The following ARL15 variants were observed in gnomAD, a reference collection of about 807,000 sequenced individuals.
The protein encoded by ARL15 is ADP-ribosylation factor-like protein 15.
A neutral mutation model predicts 25.2 loss-of-function variants in ARL15; 19 were observed. The ratio of observed to expected loss-of-function variants is 0.75; its 90% confidence interval spans 0.53 to 1.10. ARL15 has a LOEUF of 1.10. Ranked by LOEUF, ARL15 falls within the 50% of genes least tolerant of loss-of-function variation. The pLI is 0.00. For synonymous variants in ARL15, 94 were observed against 86.8 expected (o/e 1.08, Z -0.46); for missense variants, 220 against 246.0 (o/e 0.89, Z 0.71).
chr5:54,151,706 G>A (rs1433835132), intron 3 of ARL15, among the ~76,000 whole-genome samples: 3 of 150,244 alleles, frequency 2.0e-5, no homozygotes. Context: ...GTTTGTGTGT[G>A]CAAACATATA....
chr5:54,176,575 T>C (rs553367089), intron 1 of ARL15, among the ~76,000 whole-genome samples: 2 of 152,292 alleles, frequency 1.3e-5, no homozygotes, highest in Admixed American at 6.5e-5. Context: ...TTCACTGTTG[T>C]ACAATGCGAA....
At chr5:53,978,622 C>CAAAAAAAAAAAAAAAAAAAAAAA (rs147288475) in intron 4 of ARL15, among the ~76,000 whole-genome samples, 9 of 74,572 alleles carry the variant, frequency 1.2e-4, no homozygotes, top group Middle Eastern at 0.011. Flanking sequence ...CCTGTCTCTA[C>CAAAAAAAAAAAAAAAAAAAAAAA]AAAAAAAAAA....
chr5:54,301,910 G>T (rs1758625716), intron 1 of ARL15, among the ~76,000 whole-genome samples: 1 of 152,246 alleles, frequency 6.6e-6, no homozygotes, highest in South Asian at 2.1e-4. Flanking sequence ...AGAGGAACTT[G>T]ATAAATGAGA....
chr5:54,295,025 C>T (rs1434006884), intron 1 of ARL15, among the ~76,000 whole-genome samples: 1 of 152,222 alleles, frequency 6.6e-6, no homozygotes, highest in Non-Finnish European at 1.5e-5. Flanking sequence ...TTCAAGACAA[C>T]CTTTGTAGAA....
chr5:53,888,532 C>T (rs1169443830), intron 4 of ARL15, among the ~76,000 whole-genome samples: 1 of 152,158 alleles, frequency 6.6e-6, no homozygotes, highest in Non-Finnish European at 1.5e-5. Context: ...GCTTCTGCCA[C>T]CTCAGCCTCC....
chr5:54,223,559 TAG>T (rs1286434353), intron 1 of ARL15, among the ~76,000 whole-genome samples: 1 of 152,180 alleles, frequency 6.6e-6, no homozygotes, highest in African/African-American at 2.4e-5. Flanking sequence ...AAACTTCTAT[TAG>T]ATAGATTATT....
chr5:53,887,280 G>A (rs1485330352), intron 4 of ARL15: 1 of 651,798 alleles, frequency 1.5e-6, no homozygotes, highest in Non-Finnish European at 2.8e-6. Context: ...AAAGAGGATA[G>A]AAACTGCATG....
chr5:54,065,596 G>A (rs1306867016), intron 4 of ARL15, among the ~76,000 whole-genome samples: 1 of 96,616 alleles, frequency 1.0e-5, no homozygotes, highest in Non-Finnish European at 1.9e-5. Flanking sequence ...AACCCAGGAG[G>A]TGGGGTGGTT....
chr5:53,927,693 T>C (rs1359734084), intron 4 of ARL15, among the ~76,000 whole-genome samples: 6 of 152,160 alleles, frequency 3.9e-5, no homozygotes, highest in Non-Finnish European at 5.9e-5. Flanking sequence ...TCTTGGTAGC[T>C]GTGTTTGGGA....
At chr5:53,894,638 T>TCCA (rs1744816260) in intron 4 of ARL15, among the ~76,000 whole-genome samples, 1 of 152,190 alleles carries the variant, frequency 6.6e-6, no homozygotes, top group Non-Finnish European at 1.5e-5. Context: ...ATGAAAGACA[T>TCCA]CCAGTATTCC....
intron 3 of ARL15, among the ~76,000 whole-genome samples, chr5:54,115,432 C>T (rs1752868793): frequency 6.6e-6 from 1 of 152,096 alleles, no homozygotes; most frequent in Non-Finnish European, 1.5e-5. Flanking sequence ...AAGGCACATA[C>T]CATGGTGCTT....
chr5:54,056,880 C>T (rs1186907693), intron 4 of ARL15, among the ~76,000 whole-genome samples: 1 of 152,060 alleles, frequency 6.6e-6, no homozygotes, highest in Non-Finnish European at 1.5e-5. Flanking sequence ...AGCACAAATA[C>T]CTAGCTCACA....
At chr5:53,933,610 A>G (rs1433029317) in intron 4 of ARL15, among the ~76,000 whole-genome samples, 1 of 129,362 alleles carries the variant, frequency 7.7e-6, no homozygotes, top group African/African-American at 3.0e-5. Flanking sequence ...GTGCCACTGC[A>G]CTCCAGTCTG....
chr5:53,888,644 G>A (rs1335803280), intron 4 of ARL15, among the ~76,000 whole-genome samples: 1 of 152,112 alleles, frequency 6.6e-6, no homozygotes, highest in Non-Finnish European at 1.5e-5. Flanking sequence ...TTTTCTTTAT[G>A]GCACTGAAAA....
At chr5:54,114,356 A>C (rs1183384739) in intron 3 of ARL15, among the ~76,000 whole-genome samples, 1 of 133,902 alleles carries the variant, frequency 7.5e-6, no homozygotes, top group African/African-American at 2.8e-5. Flanking sequence ...GTGAGCCAAG[A>C]TCGCGCCACT....
rs540938723 is a variant in ARL15 at position 53,916,171 on chromosome 5, T to C, written c.463-29458A>G. ...TTCCAAAGTGCTGAGATTACAGGCA[T>C]GAGGCACTGCACCTGACCTGAAATT... is the stretch of plus-strand genomic sequence containing the variant. On this transcript the variant is annotated intron_variant, in intron 4 of 4. Coordinates refer to ENST00000504924, the MANE Select transcript of ARL15 (RefSeq NM_019087.3). Among the ~76,000 whole-genome samples, 5 of 151,978 alleles carry C rather than the reference T, an allele frequency of 3.3e-5. No individual in the cohort carries two copies. In the South Asian group the frequency reaches 1.0e-3, roughly 32 times the overall value.
chr5:53,941,574 G>A (rs1242091133), intron 4 of ARL15, among the ~76,000 whole-genome samples: 1 of 152,180 alleles, frequency 6.6e-6, no homozygotes, highest in African/African-American at 2.4e-5. Context: ...AATAACACAA[G>A]TCTTTTCAGA....
chr5:53,952,402 A>G (rs1747005738), intron 4 of ARL15, among the ~76,000 whole-genome samples: 1 of 152,172 alleles, frequency 6.6e-6, no homozygotes, highest in African/African-American at 2.4e-5. Flanking sequence ...GGTTGAATAA[A>G]TTTCATCTTA....
At chr5:54,168,971 C>T (rs1754649739) in intron 2 of ARL15, among the ~76,000 whole-genome samples, 1 of 152,120 alleles carries the variant, frequency 6.6e-6, no homozygotes, top group South Asian at 2.1e-4. Context: ...TGGCAGCTTC[C>T]TCCAAAGAGG....
Sources: allele counts gnomAD v4.1 joint callset (sites outside exome capture counted in the v4.1 genomes callset), GRCh38; gene constraint gnomAD v4.1.1; transcripts MANE v1.5; gene names NCBI Gene and HGNC (gene_info 2026-07-23, HGNC 2026-07-21).